OOEP: variants seen among roughly 807,000 people sequenced by gnomAD.
OOEP encodes oocyte expressed protein.
OOEP carries 16 observed loss-of-function variants against 13.7 expected under a neutral mutation model. The ratio of observed to expected loss-of-function variants is 1.16; its 90% CI spans 0.79 to 1.77. The LOEUF is 1.77. Among genes scored for constraint, OOEP ranks in the 40% most tolerant of loss-of-function variants. The pLI, the probability that OOEP is intolerant of heterozygous loss-of-function variation, is 0.00. For synonymous variants in OOEP, 89 were observed against 77.1 expected, an observed-to-expected ratio of 1.15 and a Z score of -0.81; for missense variants, 195 against 193.1, an observed-to-expected ratio of 1.01 and a Z score of -0.06.
chr6:73,393,607 A>T (rs1434327890), intron 2 of OOEP, among the ~76,000 whole-genome samples: 1 of 152,138 alleles, frequency 6.6e-6, no homozygotes, highest in Non-Finnish European at 1.5e-5. Context: ...GTGTGAGGCC[A>T]AGGCAGGAGG....
At position 73,394,292 on chromosome 6, in the gene OOEP, T is replaced by C; in HGVS notation, c.25+54A>G. The C allele has an allele frequency of 4.2e-6, 3 of 713,688 alleles. No individual in the cohort carries two copies. In the South Asian group the frequency reaches 4.5e-5, roughly 11 times the overall value. The allele number at this position is 713,688 out of a possible 1,614,324, so 44.2% of individuals were successfully genotyped here. A position where few individuals can be genotyped will look rare whatever the true frequency, so the allele number is the denominator to read the frequency against. ...GAGGATAAATGCTGTTTTGTCAATC[T>C]GTTGTTTCAAGTTTTTTATGTGTGG... On this transcript the variant is annotated intron_variant, in intron 2 of 3. Transcript: ENST00000370363.
chr6:73,371,766 T>A (rs1262176435), upstream of OOEP, among the ~76,000 whole-genome samples: 14 of 110,288 alleles, frequency 1.3e-4, no homozygotes, highest in Admixed American at 3.7e-4. Context: ...TAAAAAAAAA[T>A]AAAAATAAAA....
chr6:73,388,796 C>T (rs1188778874), intron 2 of OOEP, among the ~76,000 whole-genome samples: 2 of 152,218 alleles, frequency 1.3e-5, no homozygotes, highest in East Asian at 1.9e-4. Context: ...CTTCTCTAGT[C>T]CAGGTGGTAA....
At chr6:73,387,286 A>G (rs1769286928) in intron 2 of OOEP, among the ~76,000 whole-genome samples, 1 of 152,056 alleles carries the variant, frequency 6.6e-6, no homozygotes, top group South Asian at 2.1e-4. Context: ...AGGTGGGTGG[A>G]TAACTTGAGG....
Position 73,394,763 on chromosome 6 carries a change from G to C in OOEP, c.-163C>G, listed in dbSNP as rs1293733583. On this transcript the variant is annotated 5_prime_UTR_variant, in exon 1 of 4. Coordinates refer to the OOEP transcript ENST00000370363. ...ATCAGTGCGAAGTGGGCGGGATAGAGAGCGTGGGCGGGGGGGCTAGCCTCG... is the reference window on the plus strand; with the variant it reads ...ATCAGTGCGAAGTGGGCGGGATAGACAGCGTGGGCGGGGGGGCTAGCCTCG... 2.5e-6 allele frequency: 3 copies of C among 1,206,766 alleles called. No homozygotes were observed. The African/African-American group carries it at 4.5e-5, about 18-fold the overall frequency. 74.8% of individuals were successfully genotyped at this position (1,206,766 alleles called of 1,614,324 possible). A position where few individuals can be genotyped will look rare whatever the true frequency, so the allele number is the denominator to read the frequency against.
intron 2 of OOEP, chr6:73,391,843 A>G (rs1268554814): frequency 6.6e-6 from 1 of 152,236 alleles, no homozygotes; most frequent in Non-Finnish European, 1.5e-5. Flanking sequence ...AAGAGAAACT[A>G]TTTCTTAGCC....
intron 2 of OOEP, among the ~76,000 whole-genome samples, chr6:73,380,828 T>C (rs1387237112): frequency 6.6e-6 from 1 of 151,964 alleles, no homozygotes; most frequent in East Asian, 1.9e-4. Context: ...GAAGATGAAG[T>C]AAGTTGAGTC....
chr6:73,374,276 C>G (rs184625131), upstream of OOEP, among the ~76,000 whole-genome samples: 1 of 152,078 alleles, frequency 6.6e-6, no homozygotes, highest in East Asian at 1.9e-4. Context: ...CTATGAAAGT[C>G]GTAATGCCTG....
In OOEP at chr6:73,369,843, C is replaced by T. The variant is rs1233956032; in HGVS notation, c.-51G>A. The T allele has an allele frequency of 2.6e-6, 4 of 1,531,482 alleles. No individual in the cohort carries two copies. Among genetic ancestry groups the T allele is most frequent in the Non-Finnish European group, 3.6e-6 (4 of 1,119,214 alleles). The allele number at this position is 1,531,482 out of a possible 1,614,324, so 94.9% of individuals were successfully genotyped here. A position where few individuals can be genotyped will look rare whatever the true frequency, so the allele number is the denominator to read the frequency against. On this transcript the variant is annotated 5_prime_UTR_variant, in exon 1 of 3. Transcript: ENST00000370359. ...GCTCGAGGCGGCTTTCGCAAGACCT[C>T]TTCCAGACCCAGGCGCGAAGCTCGG...
upstream of OOEP, among the ~76,000 whole-genome samples, chr6:73,371,403 G>C (rs563264759): frequency 5.9e-5 from 9 of 152,174 alleles, no homozygotes; most frequent in East Asian, 1.7e-3. Context: ...AGGAGTTTGA[G>C]ACCAGCCTGA....
At chr6:73,370,056 A>C, upstream of OOEP, 1 of 502,604 alleles carries the variant, frequency 2.0e-6, no homozygotes, top group African/African-American at 1.9e-5. Flanking sequence ...TGGGTCTCCA[A>C]TGCTCTCCTT....
upstream of OOEP, among the ~76,000 whole-genome samples, chr6:73,372,599 G>T (rs922670357): frequency 6.6e-6 from 1 of 152,178 alleles, no homozygotes; most frequent in African/African-American, 2.4e-5. Context: ...GGGCTATTGT[G>T]CAAGAAAACC....
chr6:73,376,931 C>T (rs1466070334), intron 2 of OOEP, among the ~76,000 whole-genome samples: 2 of 152,172 alleles, frequency 1.3e-5, no homozygotes, highest in African/African-American at 2.4e-5. Context: ...AGATTACAGG[C>T]GTGAGCCACT....
intron 2 of OOEP, among the ~76,000 whole-genome samples, chr6:73,380,831 G>A (rs1186760345): frequency 1.3e-5 from 2 of 152,102 alleles, no homozygotes; most frequent in African/African-American, 4.8e-5. Context: ...GATGAAGTAA[G>A]TTGAGTCACA....
upstream of OOEP, among the ~76,000 whole-genome samples, chr6:73,371,769 A>ATT (rs1769061578): frequency 8.9e-6 from 1 of 112,718 alleles, no homozygotes; most frequent in South Asian, 3.8e-4. Flanking sequence ...AAAAAAATAA[A>ATT]AATAAAAAAA....
At chr6:73,372,034 G>A (rs970931069), upstream of OOEP, among the ~76,000 whole-genome samples, 1 of 152,148 alleles carries the variant, frequency 6.6e-6, no homozygotes, top group Non-Finnish European at 1.5e-5. Context: ...CTTAAGCCAA[G>A]GGGTTTGAGG....
At chr6:73,368,894 G>C (rs367962485) in intron 2 of OOEP, 31 bp from the exon 3 acceptor site, 33 of 1,534,664 alleles carry the variant, frequency 2.2e-5, no homozygotes, top group Non-Finnish European at 2.8e-5. Flanking sequence ...ACTAACCATG[G>C]ACAGGGACAA....
At position 73,368,870 on chromosome 6, in the gene OOEP, G is replaced by A. The variant is rs781696658; in HGVS notation, c.371-7C>T. On this transcript the variant is annotated splice_polypyrimidine_tract_variant and splice_region_variant and intron_variant, in intron 2 of 2. Coordinates refer to ENST00000370359, the MANE Select transcript of OOEP (RefSeq NM_001080507.3). ...AGGTGTTTCATCTTCTCAGCTGGAA[G>A]AGAAGCAGTTGATACTAACCATGGA... 5 of 1,609,198 alleles carry A rather than the reference G, an allele frequency of 3.1e-6. No homozygotes were observed. The highest frequency in any genetic ancestry group is 2.7e-5 in the African/African-American group (2 of 74,838).
intron 1 of OOEP, 95 bp from the exon 2 acceptor site, chr6:73,369,480 A>G: frequency 6.7e-7 from 1 of 1,497,986 alleles, no homozygotes. Context: ...AAGAACTGGA[A>G]GGTGGGCATC....
Sources: gnomAD v4.1 joint callset for allele counts (sites outside exome capture counted in the v4.1 genomes callset) on GRCh38, gnomAD v4.1.1 for gene constraint, MANE v1.5 for transcripts, NCBI Gene and HGNC (gene_info 2026-07-23, HGNC 2026-07-21) for gene names.